PLEKHA5: variants seen among roughly 807,000 people sequenced by gnomAD.
PLEKHA5 encodes pleckstrin homology domain containing A5.
A neutral mutation model predicts 181.9 loss-of-function variants in PLEKHA5; 55 were observed. That is an observed-to-expected ratio of 0.30 (90% CI 0.24 to 0.38). The LOEUF (loss-of-function observed/expected upper bound fraction) is 0.38, where lower values mean the gene tolerates loss of function less well. Ranked by LOEUF, PLEKHA5 falls within the 10% of genes least tolerant of loss-of-function variation. The pLI, the probability that PLEKHA5 is intolerant of heterozygous loss-of-function variation, is 1.00. For synonymous variants in PLEKHA5, 535 were observed against 529.4 expected (o/e 1.01, Z -0.15); for missense variants, 1,432 against 1,549.5 (o/e 0.92, Z 1.27).
intron 3 of PLEKHA5, among the ~76,000 whole-genome samples, chr12:19,198,329 T>G: frequency 6.6e-6 from 1 of 152,156 alleles, no homozygotes; most frequent in East Asian, 1.9e-4. Flanking sequence ...TTCTTTCATC[T>G]CAGATATGCC....
rs150060320 is a variant in PLEKHA5, at chr12:19,216,832, C to A, written c.228-37108C>A. 2.9e-3 allele frequency among the ~76,000 whole-genome samples: 440 copies of A among 152,232 alleles called. 4 individuals carry two copies. Among genetic ancestry groups the A allele is most frequent in the African/African-American group, 0.01 (425 of 41,538 alleles). On this transcript the variant is annotated intron_variant, in intron 3 of 31. Transcript: ENST00000429027. The stretch of plus-strand genomic sequence containing the variant: ...TAAATGTGATTACTATCTTCCAGAT[C>A]TACTACTGATTGTCTGCCTGCTACT...
intron 11 of PLEKHA5, among the ~76,000 whole-genome samples, chr12:19,280,495 G>A (rs548389952): frequency 2.8e-4 from 43 of 152,054 alleles, no homozygotes; most frequent in African/African-American, 9.9e-4. Flanking sequence ...TAATCCCTTC[G>A]GGTCCATGTA....
chr12:19,185,486 G>A (rs962846193), intron 3 of PLEKHA5, among the ~76,000 whole-genome samples: 1 of 152,172 alleles, frequency 6.6e-6, no homozygotes, highest in African/African-American at 2.4e-5. Context: ...AGAGAGAGGA[G>A]GGGTAGGGAT....
At chr12:19,348,356 CTT>C (rs766911927) in intron 24 of PLEKHA5, 41 bp from the exon 25 acceptor site, 1 of 1,495,460 alleles carries the variant, frequency 6.7e-7, no homozygotes, top group Non-Finnish European at 9.0e-7. Context: ...TTAAAAGAAA[CTT>C]TTAGCAGTTT....
chr12:19,219,000 A>G (rs956375426), intron 3 of PLEKHA5, among the ~76,000 whole-genome samples: 1 of 149,562 alleles, frequency 6.7e-6, no homozygotes, highest in Non-Finnish European at 1.5e-5. Context: ...TGTGCAGGTT[A>G]CAAATAATTA....
chr12:19,188,975 G>C (rs1233808730), intron 3 of PLEKHA5, among the ~76,000 whole-genome samples: 1 of 152,176 alleles, frequency 6.6e-6, no homozygotes, highest in East Asian at 1.9e-4. Flanking sequence ...CACTGTCCCT[G>C]AATTCTTGCA....
intron 20 of PLEKHA5, among the ~76,000 whole-genome samples, chr12:19,323,592 G>A (rs953303705): frequency 1.3e-5 from 2 of 151,944 alleles, no homozygotes; most frequent in Non-Finnish European, 2.9e-5. Flanking sequence ...CGAGGCAGGT[G>A]GATCACTTGA....
chr12:19,287,132 G>A (rs1255887964), intron 12 of PLEKHA5, among the ~76,000 whole-genome samples: 2 of 152,036 alleles, frequency 1.3e-5, no homozygotes, highest in African/African-American at 2.4e-5. Flanking sequence ...CGAGTAGCTA[G>A]GATTACAGGC....
At chr12:19,328,456 A>G (rs907405141) in intron 20 of PLEKHA5, among the ~76,000 whole-genome samples, 1 of 152,034 alleles carries the variant, frequency 6.6e-6, no homozygotes, top group Admixed American at 6.6e-5. Flanking sequence ...TGAACATGGA[A>G]TGTTTTTCCA....
At chr12:19,157,334 C>T (rs1410313461) in intron 3 of PLEKHA5, among the ~76,000 whole-genome samples, 1 of 152,108 alleles carries the variant, frequency 6.6e-6, no homozygotes, top group East Asian at 1.9e-4. Context: ...AATAAGCAGT[C>T]TACAAACTCT....
At chr12:19,224,198 A>G (rs1235164279) in intron 3 of PLEKHA5, among the ~76,000 whole-genome samples, 2 of 152,264 alleles carry the variant, frequency 1.3e-5, no homozygotes, top group South Asian at 2.1e-4. Flanking sequence ...GTGTTAGAAA[A>G]CTATAGCTAT....
intron 15 of PLEKHA5, among the ~76,000 whole-genome samples, chr12:19,293,310 C>T (rs2078937276): frequency 6.6e-6 from 1 of 152,106 alleles, no homozygotes; most frequent in Admixed American, 6.5e-5. Flanking sequence ...AAAAGTAACA[C>T]ACTTTTGTTA....
chr12:19,333,971 G>A (rs904226894), intron 20 of PLEKHA5, among the ~76,000 whole-genome samples: 5 of 152,058 alleles, frequency 3.3e-5, no homozygotes. Context: ...GCACTATTTT[G>A]TGGCAAGTAC....
At chr12:19,244,663 T>G (rs898273606) in intron 3 of PLEKHA5, among the ~76,000 whole-genome samples, 2 of 152,220 alleles carry the variant, frequency 1.3e-5, no homozygotes, top group African/African-American at 4.8e-5. Flanking sequence ...GCAAATCATA[T>G]AAATGGGTAC....
At chr12:19,205,942 G>T (rs796313471) in intron 3 of PLEKHA5, among the ~76,000 whole-genome samples, 1 of 151,974 alleles carries the variant, frequency 6.6e-6, no homozygotes, top group African/African-American at 2.4e-5. Context: ...TAAAAAGGTC[G>T]TTTAAAAATG....
At chr12:19,298,486 A>G (rs2080546623) in intron 15 of PLEKHA5, among the ~76,000 whole-genome samples, 2 of 130,094 alleles carry the variant, frequency 1.5e-5, no homozygotes, top group Middle Eastern at 5.0e-3. Context: ...TCCCTGCCTC[A>G]GCCTCCCGAG....
At chr12:19,275,037 G>A in intron 11 of PLEKHA5, 54 bp downstream of exon 11, 2 of 1,215,110 alleles carry the variant, frequency 1.6e-6, no homozygotes, top group South Asian at 1.3e-5. Flanking sequence ...CTGTGTTGGT[G>A]GAGATTGGTT....
chr12:19,288,087 A>G (rs1592333837), intron 13 of PLEKHA5: 2 of 266,728 alleles, frequency 7.5e-6, no homozygotes, highest in South Asian at 3.4e-5. Context: ...CAAAAAAAAA[A>G]AAAAAAAAAA....
chr12:19,346,032 G>T (rs368644519), intron 23 of PLEKHA5, 144 bp downstream of exon 23: 4 of 437,354 alleles, frequency 9.1e-6, no homozygotes, highest in Non-Finnish European at 1.2e-5. Flanking sequence ...AAATTTTATT[G>T]GATCAGTAAT....
Sources: gnomAD v4.1 joint callset for allele counts (sites outside exome capture counted in the v4.1 genomes callset) on GRCh38, gnomAD v4.1.1 for gene constraint, MANE v1.5 for transcripts, NCBI Gene and HGNC (gene_info 2026-07-23, HGNC 2026-07-21) for gene names.